Variants in ARHGEF3 observed in about 807,000 individuals in gnomAD.
ARHGEF3 encodes Rho guanine nucleotide exchange factor 3.
In ARHGEF3, 28 loss-of-function variants were observed where a neutral mutation model predicts 63.2. The ratio of observed to expected loss-of-function variants is 0.44; its 90% confidence interval spans 0.33 to 0.61. ARHGEF3 has a LOEUF of 0.61. Ranked by LOEUF, ARHGEF3 falls within the 20% of genes least tolerant of loss-of-function variation. The probability of loss-of-function intolerance (pLI) is 0.03; values close to 1 mark genes in which losing one functional copy is unlikely to be tolerated. For synonymous variants in ARHGEF3, 266 were observed against 254.2 expected (o/e 1.05, Z -0.44); for missense variants, 533 against 659.3 (o/e 0.81, Z 2.10).
At chr3:57,040,501 A>AAAGGAAAGGAAAGG (rs1704141082) in intron 1 of ARHGEF3, among the ~76,000 whole-genome samples, 1 of 134,806 alleles carries the variant, frequency 7.4e-6, no homozygotes, top group African/African-American at 2.7e-5. Context: ...AAAGAAAAGA[A>AAAGGAAAGGAAAGG]AATACCAAAA....
At position 56,905,143 on chromosome 3, in the gene ARHGEF3, TC is replaced by T. The variant is rs373414801; in HGVS notation, c.130-22790del. 2.9e-3 allele frequency among the ~76,000 whole-genome samples: 441 copies of T among 152,304 alleles called. 2 individuals are homozygous for T. Among genetic ancestry groups the T allele is most frequent in the African/African-American group, 0.01 (416 of 41,550 alleles). ...TAGGAAGCCTTCTCTGATTCACCTTTCCCTTAGAGTTTTCTCTTTTTATTTT... is the reference window on the plus strand; with the variant it reads ...TAGGAAGCCTTCTCTGATTCACCTTTCCTTAGAGTTTTCTCTTTTTATTTT... On this transcript the variant is annotated intron_variant, in intron 3 of 12. Transcript: ENST00000338458.
At chr3:57,074,569 A>C in intron 1 of ARHGEF3, 1 of 328,452 alleles carries the variant, frequency 3.0e-6, no homozygotes, top group Non-Finnish European at 5.9e-6. Flanking sequence ...TGATCAATCA[A>C]TCGATCAATC....
intron 1 of ARHGEF3, among the ~76,000 whole-genome samples, chr3:57,062,333 C>A (rs535778566): frequency 6.6e-6 from 1 of 152,152 alleles, no homozygotes; most frequent in Non-Finnish European, 1.5e-5. Flanking sequence ...CACAGCCTGG[C>A]AAGGGTGGCT....
At chr3:56,777,067 A>G (rs544229226) in intron 1 of ARHGEF3, among the ~76,000 whole-genome samples, 1 of 152,316 alleles carries the variant, frequency 6.6e-6, no homozygotes, top group South Asian at 2.1e-4. Flanking sequence ...TATATTGTTG[A>G]TTACAAGCCA....
At chr3:56,750,983 A>T (rs1470644761) in intron 6 of ARHGEF3, 73 bp downstream of exon 6, 1 of 1,055,494 alleles carries the variant, frequency 9.5e-7, no homozygotes, top group East Asian at 2.8e-5. Flanking sequence ...AAATAAAAAA[A>T]GTCTAGCTAA....
At chr3:56,898,339 A>T (rs113580223) in intron 3 of ARHGEF3, among the ~76,000 whole-genome samples, 4,198 of 152,078 alleles carry the variant, frequency 0.028, 104 homozygotes, top group Non-Finnish European at 0.047. Context: ...CCTCCTGAGT[A>T]GCTGGGATTA....
chr3:56,937,503 T>C (rs1359075374), intron 3 of ARHGEF3, among the ~76,000 whole-genome samples: 1 of 152,236 alleles, frequency 6.6e-6, no homozygotes, highest in Non-Finnish European at 1.5e-5. Context: ...CTTTTAACTT[T>C]TCCATATGTT....
chr3:56,900,058 T>C (rs2041453917), intron 3 of ARHGEF3, among the ~76,000 whole-genome samples: 1 of 152,168 alleles, frequency 6.6e-6, no homozygotes, highest in South Asian at 2.1e-4. Flanking sequence ...GAGGCTAGGT[T>C]TGGGGAGTGA....
At chr3:56,918,652 C>T (rs572344366) in intron 3 of ARHGEF3, among the ~76,000 whole-genome samples, 15 of 152,204 alleles carry the variant, frequency 9.9e-5, no homozygotes, top group African/African-American at 3.1e-4. Context: ...CAAGAACTCC[C>T]GGATTGAAAT....
At chr3:56,734,751 A>G (rs1339630469) in intron 8 of ARHGEF3, among the ~76,000 whole-genome samples, 3 of 152,054 alleles carry the variant, frequency 2.0e-5, no homozygotes, top group African/African-American at 7.2e-5. Context: ...ACAAAACCCA[A>G]CCAAATCTTG....
At chr3:57,025,099 A>G (rs547089904) in intron 2 of ARHGEF3, among the ~76,000 whole-genome samples, 71 of 152,342 alleles carry the variant, frequency 4.7e-4, no homozygotes, top group African/African-American at 1.5e-3. Flanking sequence ...TGACTCTTCA[A>G]AACGCTAGTG....
At chr3:56,863,925 C>T (rs769024206) in intron 4 of ARHGEF3, among the ~76,000 whole-genome samples, 3 of 152,056 alleles carry the variant, frequency 2.0e-5, no homozygotes, top group Non-Finnish European at 4.4e-5. Context: ...AAAATAAAAC[C>T]CACATCTTCT....
At chr3:56,871,123 G>C (rs1364237731) in intron 4 of ARHGEF3, among the ~76,000 whole-genome samples, 3 of 152,098 alleles carry the variant, frequency 2.0e-5, no homozygotes, top group Non-Finnish European at 4.4e-5. Flanking sequence ...TAGAGTCACT[G>C]TTAGCTCTAT....
At chr3:56,856,176 A>C (rs1482609316) in intron 4 of ARHGEF3, among the ~76,000 whole-genome samples, 1 of 152,204 alleles carries the variant, frequency 6.6e-6, no homozygotes, top group Non-Finnish European at 1.5e-5. Flanking sequence ...TGTCGCCATC[A>C]GAAGATACCA....
At chr3:56,860,041 G>GAGAT (rs71072201) in intron 4 of ARHGEF3, among the ~76,000 whole-genome samples, 50,351 of 150,246 alleles carry the variant, frequency 0.34, 8,698 homozygotes, top group East Asian at 0.52. Flanking sequence ...GGTCTCAAGA[G>GAGAT]AGATAGATAG....
At chr3:56,974,575 A>G (rs886692849) in intron 2 of ARHGEF3, among the ~76,000 whole-genome samples, 2 of 152,182 alleles carry the variant, frequency 1.3e-5, no homozygotes, top group African/African-American at 4.8e-5. Flanking sequence ...TAAGAAAATC[A>G]GTTTTCCATA....
Position 56,734,896 on chromosome 3 carries a change from T to G in ARHGEF3, c.1041+2289A>C, listed in dbSNP as rs151246642. Among the ~76,000 whole-genome samples the G allele has an allele frequency of 9.1e-4, 138 of 152,328 alleles. 3 individuals are homozygous for G. The East Asian group carries it at 0.014, about 16-fold the overall frequency. On this transcript the variant is annotated intron_variant, in intron 8 of 9. Transcript: ENST00000296315. ...AATTTTCTTTTGGGGGCTGTTTTAA[T>G]GTACAGTATTTGGAATAATCAGATT...
chr3:57,031,191 G>A lies in ARHGEF3; in HGVS notation c.62+3897C>T, dbSNP rs534270277. ...GTAATGAGGTAAACTGTGTAATAAT[G>A]GTGAACACAAGAGGTGAGACGTAGC... On this transcript the variant is annotated intron_variant, in intron 2 of 12. Transcript: ENST00000338458. Among the ~76,000 whole-genome samples the A allele has an allele frequency of 1.7e-4, 26 of 152,278 alleles. 1 individual carries two copies. The highest frequency in any genetic ancestry group is 4.1e-4 in the South Asian group (2 of 4,822).
At chr3:56,772,600 T>C (rs2036064574) in intron 2 of ARHGEF3, among the ~76,000 whole-genome samples, 2 of 152,208 alleles carry the variant, frequency 1.3e-5, no homozygotes, top group Admixed American at 6.5e-5. Flanking sequence ...AATTATCAAA[T>C]TGGTCCAAGG....
Sources: gnomAD v4.1 joint callset for allele counts (sites outside exome capture counted in the v4.1 genomes callset) on GRCh38, gnomAD v4.1.1 for gene constraint, MANE v1.5 for transcripts, NCBI Gene and HGNC (gene_info 2026-07-23, HGNC 2026-07-21) for gene names.